Variants in TRMT2B observed in about 807,000 individuals in gnomAD.
The protein encoded by TRMT2B is tRNA (uracil-5-)-methyltransferase homolog B.
TRMT2B carries 34 observed loss-of-function variants against 39.7 expected under a neutral mutation model. The observed-to-expected ratio is 0.86, with a 90% confidence interval of 0.65 to 1.14. The LOEUF (loss-of-function observed/expected upper bound fraction) is 1.14. TRMT2B is among the 50% of genes most tolerant of loss of function. The probability of loss-of-function intolerance (pLI) is 0.00; values close to 1 mark genes in which losing one functional copy is unlikely to be tolerated. For missense variants in TRMT2B, 318 were observed against 377.2 expected, an observed-to-expected ratio of 0.84 and a Z score of 1.30; for synonymous variants, 132 against 137.3, an observed-to-expected ratio of 0.96 and a Z score of 0.27.
chrX:101,023,749 C>A (rs2086911068), intron 7 of TRMT2B, 133 bp from the exon 8 acceptor site: 4 of 551,296 alleles, frequency 7.3e-6, no homozygotes, highest in Non-Finnish European at 1.1e-5. Context: ...CACCAGTACT[C>A]AAAATGTGTC....
the TRMT2B span, chrX:100,987,608 G>C: frequency 1.7e-6 from 2 of 1,173,138 alleles, no homozygotes; most frequent in South Asian, 1.9e-5. Flanking sequence ...GCAGGGATCA[G>C]TCTTTCTCAC....
chrX:101,011,098 G>C (rs1386761926), intron 13 of TRMT2B, among the ~76,000 whole-genome samples: 1 of 112,038 alleles, frequency 8.9e-6, no homozygotes, highest in African/African-American at 3.2e-5. Flanking sequence ...AAGAGTATTT[G>C]TTTGCCTGGG....
At chrX:100,982,353 G>A in the TRMT2B span, among the ~76,000 whole-genome samples, 2 of 110,785 alleles carry the variant, frequency 1.8e-5, no homozygotes, top group East Asian at 5.7e-4. Flanking sequence ...TTGGCTGGGT[G>A]TGGTGGTGGG....
At position 101,042,127 on chromosome X, in the gene TRMT2B, C is replaced by A. The variant is rs1388218337; in HGVS notation, c.163G>T (p.Val55Leu). Residue 55 changes from valine (V) to leucine (L), a missense_variant, in exon 3 of 14, where the codon GTG (valine) becomes TTG (leucine). By Grantham distance (32) the Val-to-Leu change is conservative. Transcript: ENST00000372936. ...CCTTTCTGACATTTCGTGGCTATCA[C>A]ACGGGTGAAATCTCCCTTACATACT... ...GTVCKGDFTR[V>L]IATKCQKGQK... 8.3e-7 allele frequency: 1 copy of A among 1,210,693 alleles called. No individual in the cohort carries two copies. Among genetic ancestry groups the A allele is most frequent in the Non-Finnish European group, 1.1e-6 (1 of 895,358 alleles).
chrX:101,022,856 C>G (rs190053013), intron 8 of TRMT2B, among the ~76,000 whole-genome samples: 28 of 111,260 alleles, frequency 2.5e-4, no homozygotes, highest in African/African-American at 9.1e-4. Flanking sequence ...AGCTTGATAC[C>G]AGGATATATT....
intron 3 of TRMT2B, 131 bp downstream of exon 3, chrX:101,041,911 C>T: frequency 1.2e-6 from 1 of 823,797 alleles, no homozygotes; most frequent in Non-Finnish European, 1.7e-6. Flanking sequence ...TCAAATTTGC[C>T]CTGGGTATCC....
At chrX:101,015,446 T>G (rs1194996324) in intron 13 of TRMT2B, among the ~76,000 whole-genome samples, 1 of 111,810 alleles carries the variant, frequency 8.9e-6, no homozygotes, top group African/African-American at 3.3e-5. Flanking sequence ...GCTTTTGTAC[T>G]TTTGTCAATC....
chrX:100,986,108 G>A, the TRMT2B span, among the ~76,000 whole-genome samples: 2 of 111,258 alleles, frequency 1.8e-5, no homozygotes, highest in Non-Finnish European at 3.8e-5. Flanking sequence ...CTGCCATGGG[G>A]GACAAGTTAC....
chrX:101,031,295 T>C (rs2087443503), intron 7 of TRMT2B, among the ~76,000 whole-genome samples: 1 of 111,825 alleles, frequency 8.9e-6, no homozygotes, highest in Admixed American at 9.6e-5. Flanking sequence ...CTCTTAAATA[T>C]GAACAGCCAG....
At chrX:101,018,498 A>C (rs2086635699) in intron 13 of TRMT2B, among the ~76,000 whole-genome samples, 1 of 105,449 alleles carries the variant, frequency 9.5e-6, no homozygotes, top group South Asian at 4.4e-4. Context: ...GCTGGAGTGC[A>C]ATGGCGCGAT....
intron 7 of TRMT2B, among the ~76,000 whole-genome samples, chrX:101,032,613 A>T (rs187934982): frequency 0.016 from 1,709 of 105,943 alleles, 51 homozygotes; most frequent in African/African-American, 0.056. Context: ...AAATAAAATA[A>T]AATATAAAAA....
At chrX:100,997,203 T>C in the TRMT2B span, among the ~76,000 whole-genome samples, 2 of 112,031 alleles carry the variant, frequency 1.8e-5, no homozygotes, top group African/African-American at 3.2e-5. Context: ...TTTCTAGAAT[T>C]AGCTTTCAAT....
At chrX:101,010,829 C>T in intron 13 of TRMT2B, 122 bp from the exon 14 acceptor site, 1 of 599,667 alleles carries the variant, frequency 1.7e-6, no homozygotes, top group Non-Finnish European at 2.5e-6. Flanking sequence ...TTCTCTTATA[C>T]AGCATTTATC....
At chrX:101,035,371 T>A (rs1420332945) in intron 7 of TRMT2B, among the ~76,000 whole-genome samples, 1 of 111,741 alleles carries the variant, frequency 8.9e-6, no homozygotes, top group East Asian at 2.8e-4. Context: ...ATCCCTACTA[T>A]GAAAAAGTCC....
At chrX:100,999,757 C>A in the TRMT2B span, among the ~76,000 whole-genome samples, 3 of 112,025 alleles carry the variant, frequency 2.7e-5, no homozygotes, top group Non-Finnish European at 5.6e-5. Context: ...AGGATCATAA[C>A]CCTGACTGAC....
the TRMT2B span, among the ~76,000 whole-genome samples, chrX:100,998,448 G>A: frequency 4.8e-5 from 5 of 103,713 alleles, no homozygotes; most frequent in African/African-American, 1.8e-4. Flanking sequence ...CCAGCTACTC[G>A]GGAGACTGAG....
intron 13 of TRMT2B, chrX:101,013,751 A>T (rs1222268449): frequency 9.0e-6 from 1 of 110,615 alleles, no homozygotes; most frequent in African/African-American, 3.3e-5. Flanking sequence ...TCAAAAAAAA[A>T]AAAAAAAAAA....
intron 4 of TRMT2B, among the ~76,000 whole-genome samples, chrX:101,040,139 T>C (rs761699056): frequency 4.0e-4 from 43 of 107,632 alleles, no homozygotes; most frequent in Middle Eastern, 9.8e-3. Context: ...ACTAAAAATA[T>C]AAAAATTAGC....
chrX:100,986,854 C>T, the TRMT2B span: 1 of 1,206,267 alleles, frequency 8.3e-7, no homozygotes, highest in Non-Finnish European at 1.1e-6. Flanking sequence ...TATTGACTAT[C>T]TACTTCTAAA....
Sources: gnomAD v4.1 joint callset for allele counts (sites outside exome capture counted in the v4.1 genomes callset) on GRCh38, gnomAD v4.1.1 for gene constraint, MANE v1.5 for transcripts, NCBI Gene and HGNC (gene_info 2026-07-23, HGNC 2026-07-21) for gene names.